Variants in ERBB4 observed in about 807,000 individuals in gnomAD.
ERBB4 encodes erb-b2 receptor tyrosine kinase 4, also known as receptor tyrosine-protein kinase erbB-4.
ERBB4 carries 42 observed loss-of-function variants against 158.0 expected under a neutral mutation model. The ratio of observed to expected loss-of-function variants is 0.27; its 90% CI spans 0.21 to 0.34. The LOEUF is 0.34. ERBB4 is among the 10% of genes least tolerant of loss of function. The pLI is 1.00. For missense variants in ERBB4, 1,333 were observed against 1,624.1 expected (o/e 0.82, Z 3.08); for synonymous variants, 583 against 558.7 (o/e 1.04, Z -0.61).
At chr2:212,359,680 C>T (rs542098550) in intron 1 of ERBB4, among the ~76,000 whole-genome samples, 1 of 151,818 alleles carries the variant, frequency 6.6e-6, no homozygotes, top group African/African-American at 2.4e-5. Context: ...ACCAGTTAAT[C>T]ATTAGTGCAA....
intron 1 of ERBB4, among the ~76,000 whole-genome samples, chr2:212,495,554 T>A (rs1336204575): frequency 5.3e-5 from 8 of 152,214 alleles, no homozygotes; most frequent in Non-Finnish European, 1.2e-4. Context: ...AAAGTATATG[T>A]AGCTGAAACT....
chr2:211,637,980 A>T (rs1301715889), intron 16 of ERBB4, among the ~76,000 whole-genome samples: 3 of 151,920 alleles, frequency 2.0e-5, no homozygotes, highest in African/African-American at 7.2e-5. Flanking sequence ...TAGAACTTTT[A>T]TATTTAGTTA....
At chr2:211,962,931 C>CT (rs150778462) in intron 2 of ERBB4, among the ~76,000 whole-genome samples, 1,525 of 152,222 alleles carry the variant, frequency 0.01, 25 homozygotes, top group African/African-American at 0.035. Flanking sequence ...CTAACACCTT[C>CT]TTTTTTACAA....
intron 16 of ERBB4, 90 bp from the exon 17 acceptor site, chr2:211,630,684 C>A (rs1268737015): frequency 2.6e-6 from 3 of 1,153,784 alleles, no homozygotes; most frequent in Non-Finnish European, 3.8e-6. Flanking sequence ...AAGACATTAT[C>A]CACATTTCAC....
chr2:211,870,869 A>T (rs2078326550), intron 3 of ERBB4, among the ~76,000 whole-genome samples: 1 of 152,118 alleles, frequency 6.6e-6, no homozygotes, highest in South Asian at 2.1e-4. Flanking sequence ...CTGATTTCTC[A>T]TTTTCAGTAT....
At chr2:211,834,499 G>T (rs1338290275) in intron 3 of ERBB4, among the ~76,000 whole-genome samples, 2 of 151,760 alleles carry the variant, frequency 1.3e-5, no homozygotes, top group African/African-American at 2.4e-5. Context: ...AAAAAAAGAA[G>T]GGGGGTAGGG....
chr2:212,040,286 T>C (rs1292387177), intron 2 of ERBB4, among the ~76,000 whole-genome samples: 1 of 152,054 alleles, frequency 6.6e-6, no homozygotes, highest in African/African-American at 2.4e-5. Context: ...TAACACACAC[T>C]ATTATTTGGT....
chr2:211,446,721 T>G (rs890029724), intron 20 of ERBB4, among the ~76,000 whole-genome samples: 1 of 152,076 alleles, frequency 6.6e-6, no homozygotes, highest in Non-Finnish European at 1.5e-5. Flanking sequence ...TCAGATAACT[T>G]TATAGAATCA....
intron 2 of ERBB4, among the ~76,000 whole-genome samples, chr2:212,095,891 T>C (rs1375770432): frequency 7.0e-6 from 1 of 142,378 alleles, no homozygotes; most frequent in Non-Finnish European, 1.5e-5. Context: ...GCCGAGATGG[T>C]GCTACTGCAC....
intron 20 of ERBB4, among the ~76,000 whole-genome samples, chr2:211,477,313 TTCTC>T (rs146542040): frequency 2.9e-4 from 42 of 144,238 alleles, no homozygotes; most frequent in Admixed American, 2.7e-3. Flanking sequence ...CTCTCTCTCT[TTCTC>T]TCTCTCTCTC....
intron 20 of ERBB4, among the ~76,000 whole-genome samples, chr2:211,502,526 G>A (rs991013688): frequency 3.3e-5 from 5 of 152,030 alleles, no homozygotes; most frequent in African/African-American, 7.2e-5. Flanking sequence ...ACTATTGAAC[G>A]AAGCAAGGCC....
chr2:211,736,588 A>C (rs2074609294), intron 5 of ERBB4, among the ~76,000 whole-genome samples: 1 of 152,182 alleles, frequency 6.6e-6, no homozygotes, highest in African/African-American at 2.4e-5. Flanking sequence ...TAATGAATTC[A>C]GGAATTTAGA....
Position 211,702,042 on chromosome 2 carries a change from T to C in ERBB4, c.1414A>G (p.Ile472Val), listed in dbSNP as rs149168827. 2.8e-5 allele frequency: 45 copies of C among 1,613,878 alleles called. No individual in the cohort carries two copies. Among genetic ancestry groups the C allele is most frequent in the Non-Finnish European group, 3.5e-5 (41 of 1,179,874 alleles). ...GTGCTGAAGAGTGTTGTCCAGTTAA[T>C]GGTATGATAATAACACAGGTTGCTG... ...DNSNLCYYHT[I>V]NWTTLFSTIN... Residue 472 changes from isoleucine to valine, a missense_variant, in exon 12 of 28, where the codon ATT becomes GTT. Physicochemically the swap from Ile to Val is conservative, Grantham distance 29. This residue lies in a region of ERBB4 where 438 missense variants were observed against 586.9 expected (regional missense o/e 0.75). Coordinates refer to ENST00000342788, the MANE Select transcript of ERBB4 (RefSeq NM_005235.3).
intron 1 of ERBB4, among the ~76,000 whole-genome samples, chr2:212,504,504 A>G (rs1552161): frequency 0.13 from 19,424 of 152,020 alleles, 1,307 homozygotes; most frequent in Non-Finnish European, 0.15. Flanking sequence ...GAAATAGAAA[A>G]AAAAAATTTT....
chr2:212,305,928 T>C (rs1268214120), intron 1 of ERBB4, among the ~76,000 whole-genome samples: 1 of 148,958 alleles, frequency 6.7e-6, no homozygotes, highest in Non-Finnish European at 1.5e-5. Context: ...GCCTCAATGT[T>C]TTTTAGACAT....
intron 4 of ERBB4, among the ~76,000 whole-genome samples, chr2:211,769,009 T>C (rs895209813): frequency 1.3e-5 from 2 of 152,220 alleles, no homozygotes; most frequent in Non-Finnish European, 2.9e-5. Flanking sequence ...AACAATATCT[T>C]TGTGAATGCA....
intron 2 of ERBB4, among the ~76,000 whole-genome samples, chr2:211,987,944 T>C (rs1155683): frequency 0.65 from 99,463 of 152,036 alleles, 35,992 homozygotes; most frequent in Non-Finnish European, 0.82. Flanking sequence ...TCAACATTTC[T>C]AAGAGCTATA....
chr2:211,723,327 T>C (rs975265644), intron 6 of ERBB4, among the ~76,000 whole-genome samples: 1 of 152,172 alleles, frequency 6.6e-6, no homozygotes, highest in Non-Finnish European at 1.5e-5. Context: ...TGTAAGTACA[T>C]ATAAACATGT....
At chr2:211,737,735 C>T (rs2074648685) in intron 5 of ERBB4, among the ~76,000 whole-genome samples, 1 of 152,068 alleles carries the variant, frequency 6.6e-6, no homozygotes, top group Non-Finnish European at 1.5e-5. Context: ...GCCTAACATG[C>T]AGTGAACATT....
Sources: gnomAD v4.1 joint callset for allele counts (sites outside exome capture counted in the v4.1 genomes callset) on GRCh38, gnomAD v4.1.1 for gene constraint, gnomAD v4.1.1 regional missense constraint, MANE v1.5 for transcripts, NCBI Gene and HGNC (gene_info 2026-07-23, HGNC 2026-07-21) for gene names.